The following ZDHHC7 variants were observed in gnomAD, a reference collection of about 807,000 sequenced individuals.
ZDHHC7 encodes the protein zDHHC palmitoyltransferase 7.
In ZDHHC7, 12 loss-of-function variants were observed where a neutral mutation model predicts 34.1. That is an observed-to-expected ratio of 0.35 (90% CI 0.23 to 0.57). The LOEUF (loss-of-function observed/expected upper bound fraction) is 0.57, where lower values mean the gene tolerates loss of function less well. Ranked by LOEUF, ZDHHC7 falls within the 20% of genes least tolerant of loss-of-function variation. The probability of loss-of-function intolerance (pLI) is 0.84; values close to 1 mark genes in which losing one functional copy is unlikely to be tolerated. For synonymous variants in ZDHHC7, 185 were observed against 155.4 expected, an observed-to-expected ratio of 1.19 and a Z score of -1.42; for missense variants, 388 against 402.7, an observed-to-expected ratio of 0.96 and a Z score of 0.31.
the ZDHHC7 span, among the ~76,000 whole-genome samples, chr16:85,018,807 TA>T: frequency 4.2e-4 from 64 of 152,264 alleles, no homozygotes; most frequent in Non-Finnish European, 7.5e-4. Context: ...TCGCAAAGGT[TA>T]TGCAGTGGAA....
chr16:85,016,834 C>G, the ZDHHC7 span, among the ~76,000 whole-genome samples: 1 of 152,094 alleles, frequency 6.6e-6, no homozygotes, highest in African/African-American at 2.4e-5. Context: ...TCATCTGTTT[C>G]TCAACGGAAG....
At chr16:84,986,772 A>C (rs909845922) in intron 3 of ZDHHC7, among the ~76,000 whole-genome samples, 7 of 152,146 alleles carry the variant, frequency 4.6e-5, no homozygotes, top group Non-Finnish European at 8.8e-5. Context: ...GCCCAGTCCT[A>C]TTGGTTTAGA....
At chr16:85,016,042 G>T (rs1291258970), upstream of ZDHHC7, among the ~76,000 whole-genome samples, 1 of 152,036 alleles carries the variant, frequency 6.6e-6, no homozygotes, top group African/African-American at 2.4e-5. Context: ...ATTATATATA[G>T]TGAGGCATTT....
At chr16:85,017,045 G>C in the ZDHHC7 span, among the ~76,000 whole-genome samples, 3 of 150,924 alleles carry the variant, frequency 2.0e-5, no homozygotes, top group East Asian at 6.0e-4. Context: ...AGGTTCAAGC[G>C]ACTCCCCTGC....
intron 4 of ZDHHC7, among the ~76,000 whole-genome samples, chr16:84,980,569 C>G (rs1324997834): frequency 6.6e-6 from 1 of 151,964 alleles, no homozygotes; most frequent in Non-Finnish European, 1.5e-5. Context: ...ACTAGGGAGG[C>G]TGAGGCACAA....
the ZDHHC7 span, among the ~76,000 whole-genome samples, chr16:85,017,470 C>T: frequency 1.3e-5 from 2 of 152,182 alleles, no homozygotes; most frequent in African/African-American, 2.4e-5. Context: ...TGAACATGCA[C>T]ATCCTATGCT....
intron 1 of ZDHHC7, among the ~76,000 whole-genome samples, chr16:84,998,332 G>A (rs553482510): frequency 8.3e-4 from 125 of 151,340 alleles, no homozygotes; most frequent in Middle Eastern, 3.4e-3. Flanking sequence ...TTGAGCACAG[G>A]GGTCCCTGGG....
the ZDHHC7 span, among the ~76,000 whole-genome samples, chr16:85,024,925 G>C: frequency 6.6e-6 from 1 of 152,030 alleles, no homozygotes; most frequent in African/African-American, 2.4e-5. Flanking sequence ...TTTTCCATGG[G>C]GGCTGCTAAG....
chr16:85,005,574 G>A (rs1238803574), intron 1 of ZDHHC7, among the ~76,000 whole-genome samples: 1 of 152,162 alleles, frequency 6.6e-6, no homozygotes, highest in East Asian at 1.9e-4. Context: ...TCCAAAGCCC[G>A]TGTTCTTCCA....
chr16:85,018,836 G>A, the ZDHHC7 span, among the ~76,000 whole-genome samples: 61 of 152,178 alleles, frequency 4.0e-4, no homozygotes, highest in African/African-American at 1.3e-3. Context: ...GACTTGTTCC[G>A]GACGGGTGTT....
At chr16:85,027,131 G>C in the ZDHHC7 span, among the ~76,000 whole-genome samples, 2 of 152,344 alleles carry the variant, frequency 1.3e-5, no homozygotes, top group African/African-American at 4.8e-5. Flanking sequence ...TGGAGCAGCT[G>C]AGATGGAATC....
intron 3 of ZDHHC7, among the ~76,000 whole-genome samples, chr16:84,983,685 G>A (rs532504200): frequency 2.6e-5 from 4 of 152,254 alleles, no homozygotes; most frequent in African/African-American, 2.4e-5. Context: ...ACTCATCTTT[G>A]AAAACTTAAA....
upstream of ZDHHC7, among the ~76,000 whole-genome samples, chr16:85,016,534 C>G (rs1196418533): frequency 1.3e-5 from 2 of 152,050 alleles, no homozygotes. Flanking sequence ...TAACTCACTG[C>G]AGCCTCGAAC....
At chr16:84,981,661 C>G (rs1320550590) in intron 4 of ZDHHC7, among the ~76,000 whole-genome samples, 2 of 152,226 alleles carry the variant, frequency 1.3e-5, no homozygotes, top group African/African-American at 2.4e-5. Context: ...CATACTGTTT[C>G]CCAGCTCCCA....
At chr16:84,991,216 T>C (rs192443413) in intron 2 of ZDHHC7, among the ~76,000 whole-genome samples, 137 of 152,350 alleles carry the variant, frequency 9.0e-4, no homozygotes, top group African/African-American at 3.2e-3. Flanking sequence ...GTGATGTTTT[T>C]GGAGCAGACT....
rs2072311336 is a variant in ZDHHC7 at position 84,977,325 on chromosome 16, C to A, written c.620-100G>T. 6 of 1,451,122 alleles carry A rather than the reference C, an allele frequency of 4.1e-6. No homozygotes were observed. The East Asian group carries it at 1.4e-4, about 33-fold the overall frequency. The allele number at this position is 1,451,122 out of a possible 1,614,324, so 89.9% of individuals were successfully genotyped here. On this transcript the variant is annotated intron_variant, in intron 6 of 7. Coordinates refer to ENST00000313732, the MANE Select transcript of ZDHHC7 (RefSeq NM_017740.3). ...TCCTCTAGGGCCAGCCCCTGGCCAG[C>A]TTCCAGGGGGAAGTTGTTCACTTTC...
Position 84,976,475 on chromosome 16 carries a change from C to T in ZDHHC7, c.795G>A (p.Arg265=). 1 of 1,614,116 alleles carries T rather than the reference C, an allele frequency of 6.2e-7. No homozygotes were observed. The highest frequency in any genetic ancestry group is 8.5e-7 in the Non-Finnish European group (1 of 1,180,034). Reference sequence around the variant, plus strand: ...CGGACTTCATCCCTTCCCATCGCAGCCTCCGCTCCCATGTGGGCTTCTCAC... The same window carrying T: ...CGGACTTCATCCCTTCCCATCGCAGTCTCCGCTCCCATGTGGGCTTCTCAC... The part of the protein sequence containing the change: ...LKSEKPTWER[R]LRWEGMKSVF... Residue 265 remains arginine, a synonymous_variant, in exon 8 of 8, where the codon AGG becomes AGA. Transcript: ENST00000313732.
chr16:85,002,278 G>A (rs528934025), intron 1 of ZDHHC7, among the ~76,000 whole-genome samples: 1 of 151,850 alleles, frequency 6.6e-6, no homozygotes, highest in Non-Finnish European at 1.5e-5. Flanking sequence ...CGTTCACAGG[G>A]ACAGTTTCTA....
At chr16:84,989,064 A>G (rs983566502) in intron 3 of ZDHHC7, among the ~76,000 whole-genome samples, 2 of 152,202 alleles carry the variant, frequency 1.3e-5, no homozygotes, top group Non-Finnish European at 2.9e-5. Context: ...CTGCCGCGTA[A>G]AAGGAAATGA....
Sources: allele counts gnomAD v4.1 joint callset (sites outside exome capture counted in the v4.1 genomes callset), GRCh38; gene constraint gnomAD v4.1.1; transcripts MANE v1.5; gene names NCBI Gene and HGNC (gene_info 2026-07-23, HGNC 2026-07-21).